The following ATP2B1 variants were observed in gnomAD, a reference collection of about 807,000 sequenced individuals.
ATP2B1 encodes the protein ATPase plasma membrane Ca2+ transporting 1, also known as plasma membrane calcium-transporting ATPase 1.
In ATP2B1, 14 loss-of-function variants were observed where a neutral mutation model predicts 124.2. That is an observed-to-expected ratio of 0.11 (90% CI 0.07 to 0.18). The LOEUF is 0.18. Ranked by LOEUF, ATP2B1 falls within the 10% of genes least tolerant of loss-of-function variation. The pLI is 1.00. For synonymous variants in ATP2B1, 449 were observed against 492.4 expected (o/e 0.91, Z 1.17); for missense variants, 763 against 1,466.1 (o/e 0.52, Z 7.83).
intron 3 of ATP2B1, among the ~76,000 whole-genome samples, chr12:89,637,978 T>G (rs1016136590): frequency 6.6e-6 from 1 of 152,090 alleles, no homozygotes; most frequent in African/African-American, 2.4e-5. Flanking sequence ...TAATGACATA[T>G]ATCATTTCAT....
At chr12:89,602,454 C>A (rs921877294) in intron 18 of ATP2B1, among the ~76,000 whole-genome samples, 1 of 151,938 alleles carries the variant, frequency 6.6e-6, no homozygotes, top group African/African-American at 2.4e-5. Flanking sequence ...CTACTTTATT[C>A]AAATTCAAGT....
intron 2 of ATP2B1, among the ~76,000 whole-genome samples, chr12:89,653,908 C>G (rs1332359874): frequency 6.6e-6 from 1 of 152,124 alleles, no homozygotes; most frequent in African/African-American, 2.4e-5. Flanking sequence ...TAGAGAAATG[C>G]AAGGACCTGG....
At chr12:89,681,186 A>G (rs1889310914) in intron 1 of ATP2B1, among the ~76,000 whole-genome samples, 1 of 152,170 alleles carries the variant, frequency 6.6e-6, no homozygotes, top group Admixed American at 6.5e-5. Flanking sequence ...CATGCTGATA[A>G]CGTAGGAAAA....
At chr12:89,625,052 C>G (rs947981379) in intron 8 of ATP2B1, among the ~76,000 whole-genome samples, 1 of 151,386 alleles carries the variant, frequency 6.6e-6, no homozygotes, top group African/African-American at 2.4e-5. Context: ...GTGGGTGGAT[C>G]ACCTGAGGTC....
intron 1 of ATP2B1, among the ~76,000 whole-genome samples, chr12:89,698,311 A>G (rs1019113280): frequency 2.6e-5 from 4 of 152,368 alleles, no homozygotes; most frequent in Non-Finnish European, 4.4e-5. Flanking sequence ...CTCATCAGCA[A>G]TAACAAGAAC....
At chr12:89,676,635 T>C (rs1191368128) in intron 1 of ATP2B1, among the ~76,000 whole-genome samples, 1 of 152,086 alleles carries the variant, frequency 6.6e-6, no homozygotes, top group Admixed American at 6.6e-5. Context: ...GTAGGTAATA[T>C]CTGCTTTAAC....
At chr12:89,601,208 C>A in intron 19 of ATP2B1, 118 bp downstream of exon 19, 3 of 727,786 alleles carry the variant, frequency 4.1e-6, no homozygotes, top group Non-Finnish European at 6.8e-6. Context: ...AATGCCCTCT[C>A]TTTACTCACC....
At chr12:89,609,300 C>A (rs1304768577) in intron 15 of ATP2B1, among the ~76,000 whole-genome samples, 1 of 152,128 alleles carries the variant, frequency 6.6e-6, no homozygotes, top group Non-Finnish European at 1.5e-5. Context: ...AGCCTCACAT[C>A]AGTTCAGAAC....
At chr12:89,683,121 T>C (rs12300377) in intron 1 of ATP2B1, among the ~76,000 whole-genome samples, 1,636 of 152,314 alleles carry the variant, frequency 0.011, 28 homozygotes, top group African/African-American at 0.037. Context: ...GCTGAAAATA[T>C]CATCTCTCAT....
At chr12:89,692,890 CTT>C (rs939692272) in intron 1 of ATP2B1, among the ~76,000 whole-genome samples, 4 of 152,094 alleles carry the variant, frequency 2.6e-5, no homozygotes, top group African/African-American at 7.2e-5. Flanking sequence ...GAACTTAACT[CTT>C]GTTTATATCG....
intron 1 of ATP2B1, among the ~76,000 whole-genome samples, chr12:89,667,107 C>T (rs1357149553): frequency 6.6e-6 from 1 of 152,186 alleles, no homozygotes; most frequent in Non-Finnish European, 1.5e-5. Context: ...AATGCTTCCT[C>T]CTAATGGCCC....
intron 1 of ATP2B1, among the ~76,000 whole-genome samples, chr12:89,701,533 G>A (rs1565933592): frequency 6.6e-6 from 1 of 152,108 alleles, no homozygotes; most frequent in Non-Finnish European, 1.5e-5. Flanking sequence ...AAATTTTTCT[G>A]GGAGATTTTT....
intron 1 of ATP2B1, among the ~76,000 whole-genome samples, chr12:89,665,927 C>T (rs1162957456): frequency 6.6e-6 from 1 of 152,202 alleles, no homozygotes; most frequent in Non-Finnish European, 1.5e-5. Flanking sequence ...GTAAATTTAA[C>T]ATGAGCTTTC....
chr12:89,706,414 C>T (rs1446584761), intron 1 of ATP2B1, among the ~76,000 whole-genome samples: 2 of 151,756 alleles, frequency 1.3e-5, no homozygotes, highest in Non-Finnish European at 2.9e-5. Flanking sequence ...CACTGTCATA[C>T]TGGTAGGTAC....
At chr12:89,652,273 A>G (rs879324143) in intron 2 of ATP2B1, among the ~76,000 whole-genome samples, 1 of 152,108 alleles carries the variant, frequency 6.6e-6, no homozygotes, top group Non-Finnish European at 1.5e-5. Context: ...ATTCTTACAT[A>G]AAGTCTCTAA....
At chr12:89,615,655 G>A (rs995098992) in intron 12 of ATP2B1, among the ~76,000 whole-genome samples, 2 of 152,044 alleles carry the variant, frequency 1.3e-5, no homozygotes, top group Non-Finnish European at 2.9e-5. Flanking sequence ...CTAACTGCTC[G>A]CTCTCTTTCT....
intron 2 of ATP2B1, among the ~76,000 whole-genome samples, chr12:89,645,962 G>C (rs930057629): frequency 5.3e-5 from 8 of 152,198 alleles, no homozygotes; most frequent in African/African-American, 1.9e-4. Flanking sequence ...AGATGATGGT[G>C]CTTGTATTTG....
intron 8 of ATP2B1, among the ~76,000 whole-genome samples, chr12:89,625,365 C>T (rs1422394256): frequency 6.6e-6 from 1 of 152,098 alleles, no homozygotes; most frequent in African/African-American, 2.4e-5. Context: ...GGGAGGATCA[C>T]TTGAGCCTAG....
At chr12:89,667,960 C>T (rs1887509305) in intron 1 of ATP2B1, among the ~76,000 whole-genome samples, 1 of 152,158 alleles carries the variant, frequency 6.6e-6, no homozygotes, top group Admixed American at 6.5e-5. Flanking sequence ...CTACAGAGAA[C>T]ATCACAAAAG....
Sources: allele counts gnomAD v4.1 joint callset (sites outside exome capture counted in the v4.1 genomes callset), GRCh38; gene constraint gnomAD v4.1.1; transcripts MANE v1.5; gene names NCBI Gene and HGNC (gene_info 2026-07-23, HGNC 2026-07-21).